The following SPON2 variants were observed in gnomAD, a reference collection of about 807,000 sequenced individuals.
SPON2 encodes the protein spondin 2.
SPON2 carries 32 observed loss-of-function variants against 29.9 expected under a neutral mutation model. That is an observed-to-expected ratio of 1.07 (90% CI 0.81 to 1.44). The LOEUF (loss-of-function observed/expected upper bound fraction) is 1.44. SPON2 is among the 40% of genes most tolerant of loss of function. The pLI, the probability that SPON2 is intolerant of heterozygous loss-of-function variation, is 0.00. For synonymous variants in SPON2, 248 were observed against 209.1 expected (o/e 1.19, Z -1.61); for missense variants, 541 against 455.5 (o/e 1.19, Z -1.71).
rs535537183 is a variant in SPON2 at position 1,201,501 on chromosome 4, A to AT, written c.-234+6378_-234+6379insA. ...TGCCGTTACATGCACGTGACCACAG[A>AT]GAAGGCTGCCTTCACCCCGTCTGCA... is the stretch of plus-strand genomic sequence containing the variant. On this transcript the variant is annotated intron_variant, in intron 1 of 3. Transcript: ENST00000509233. 4.0e-5 allele frequency: 7 copies of AT among 177,208 alleles called. No individual in the cohort carries two copies. In the South Asian group the frequency reaches 7.3e-4, roughly 19 times the overall value. The allele number at this position is 177,208 out of a possible 1,614,324, so 11.0% of individuals were successfully genotyped here. A position where few individuals can be genotyped will look rare whatever the true frequency, so the allele number is the denominator to read the frequency against.
chr4:1,190,282 G>T (rs1409144131), intron 1 of SPON2, among the ~76,000 whole-genome samples: 1 of 133,496 alleles, frequency 7.5e-6, no homozygotes, highest in Admixed American at 7.6e-5. Flanking sequence ...ATTGAAGTAG[G>T]AAAAAAAAAA....
rs764309408 is a variant in SPON2, at chr4:1,171,410, C to T, written c.297G>A (p.Glu99=). 104 of 1,612,232 alleles carry T rather than the reference C, an allele frequency of 6.5e-5. 1 individual carries two copies. The Admixed American group carries it at 1.7e-3, about 26-fold the overall frequency. Residue 99 remains glutamate, a synonymous_variant, in exon 3 of 6, where the codon GAG becomes GAA. Coordinates refer to ENST00000290902, the MANE Select transcript of SPON2 (RefSeq NM_012445.4). ...TCATCAGCGCCCAGGCCTCGCCGCG[C>T]TCCGCAAAGTCGCGCAGCCCGTTAC... ...YVSNGLRDFA[E]RGEAWALMKE...
upstream of SPON2, among the ~76,000 whole-genome samples, chr4:1,175,679 G>C (rs1453560011): frequency 6.6e-6 from 1 of 151,654 alleles, no homozygotes; most frequent in African/African-American, 2.4e-5. Context: ...CTTCAGCTAG[G>C]ATGTGGGTGG....
In SPON2 at chr4:1,202,127, C is replaced by T. The variant is rs1045941728; in HGVS notation, c.-234+5753G>A. On this transcript the variant is annotated intron_variant, in intron 1 of 3. Coordinates refer to the SPON2 transcript ENST00000509233. The surrounding 1 kb of genome is among the most constrained non-coding windows in gnomAD (Gnocchi z 5.4). ...CCCCGCCACGGTTTGAGTGAGGCCACAACAGAACATCAGACAGCAGTTTAT... is the reference window on the plus strand; with the variant it reads ...CCCCGCCACGGTTTGAGTGAGGCCATAACAGAACATCAGACAGCAGTTTAT... Among the ~76,000 whole-genome samples, 1 of 152,228 alleles carries T rather than the reference C, an allele frequency of 6.6e-6. No homozygotes were observed. Among genetic ancestry groups the T allele is most frequent in the African/African-American group, 2.4e-5 (1 of 41,452 alleles).
intron 2 of SPON2, 125 bp from the exon 3 acceptor site, chr4:1,171,611 G>A (rs1483224085): frequency 2.9e-6 from 3 of 1,050,782 alleles, no homozygotes; most frequent in African/African-American, 1.6e-5. Flanking sequence ...CAGTCACGTC[G>A]GACCGTGACA....
intron 1 of SPON2, among the ~76,000 whole-genome samples, chr4:1,185,721 A>AAAAAAAAAAG (rs78997740): frequency 6.6e-6 from 1 of 151,238 alleles, no homozygotes. Context: ...AAAAAAAAAG[A>AAAAAAAAAAG]ATGAAGTTGG....
At chr4:1,191,245 G>A (rs1467539521) in intron 1 of SPON2, among the ~76,000 whole-genome samples, 1 of 152,022 alleles carries the variant, frequency 6.6e-6, no homozygotes, top group Non-Finnish European at 1.5e-5. Flanking sequence ...AGACAGTATG[G>A]TACTGGCTTA....
chr4:1,171,749 C>T (rs951792251), intron 2 of SPON2, 103 bp downstream of exon 2: 12 of 890,080 alleles, frequency 1.3e-5, no homozygotes, highest in Non-Finnish European at 2.2e-5. Context: ...CTCCCGACGT[C>T]AGCACGCCCC....
chr4:1,185,300 T>A (rs1263641331), intron 1 of SPON2, among the ~76,000 whole-genome samples: 1 of 151,574 alleles, frequency 6.6e-6, no homozygotes, highest in Non-Finnish European at 1.5e-5. Flanking sequence ...GGTCTTGAAC[T>A]CCTTACCTCA....
chr4:1,167,876 G>C (rs556636285), intron 5 of SPON2: 350 of 469,590 alleles, frequency 7.5e-4, no homozygotes, highest in Middle Eastern at 1.6e-3. Context: ...GCGTTTCTAC[G>C]TAAGAGCCGG....
upstream of SPON2, among the ~76,000 whole-genome samples, chr4:1,175,568 G>T (rs1032929022): frequency 1.3e-5 from 2 of 151,570 alleles, no homozygotes; most frequent in Admixed American, 6.6e-5. Flanking sequence ...CAGGCTGTGT[G>T]GGGGGAGTCT....
chr4:1,204,043 T>C lies in SPON2; in HGVS notation c.-234+3837A>G, dbSNP rs531767746. Among the ~76,000 whole-genome samples the C allele has an allele frequency of 7.2e-5, 11 of 152,126 alleles. No homozygotes were observed. In the South Asian group the frequency reaches 2.3e-3, roughly 32 times the overall value. ...GCACCACCACGTGGTGGCTAATTGT[T>C]GTATTTTTAGTAGAGATGTGGTTTC... On this transcript the variant is annotated intron_variant, in intron 1 of 3. Transcript: ENST00000509233.
At chr4:1,195,218 G>C (rs566074170), upstream of SPON2, 3 of 152,516 alleles carry the variant, frequency 2.0e-5, no homozygotes, top group East Asian at 5.8e-4. Flanking sequence ...GATGGCCCGA[G>C]GCTGGTGCCC....
At chr4:1,200,298 T>C (rs1040218554) in intron 1 of SPON2, among the ~76,000 whole-genome samples, 3 of 152,120 alleles carry the variant, frequency 2.0e-5, no homozygotes, top group Non-Finnish European at 4.4e-5. Flanking sequence ...CCACGGACAG[T>C]TGAGAAGGCG....
chr4:1,189,946 T>A (rs892014461), intron 1 of SPON2, among the ~76,000 whole-genome samples: 9 of 144,410 alleles, frequency 6.2e-5, no homozygotes, highest in African/African-American at 2.1e-4. Context: ...GCTGAGATCA[T>A]GCCACTGCAC....
At chr4:1,182,287 A>G (rs1288097751) in intron 1 of SPON2, among the ~76,000 whole-genome samples, 1 of 152,222 alleles carries the variant, frequency 6.6e-6, no homozygotes, top group African/African-American at 2.4e-5. Flanking sequence ...TACTAGACAA[A>G]GACTTTAAAA....
At chr4:1,200,892 G>A (rs1728184475) in intron 1 of SPON2, 1 of 456,544 alleles carries the variant, frequency 2.2e-6, no homozygotes, top group East Asian at 6.9e-5. Flanking sequence ...ACCACTGACT[G>A]AGCACCACGT....
chr4:1,170,335 T>A, intron 5 of SPON2, 67 bp downstream of exon 5: 1 of 1,494,666 alleles, frequency 6.7e-7, no homozygotes, highest in Non-Finnish European at 9.1e-7. Flanking sequence ...TAGGTTCGGG[T>A]TTGGTGGTCG....
chr4:1,183,928 A>C (rs1418842645), intron 1 of SPON2, among the ~76,000 whole-genome samples: 1 of 152,246 alleles, frequency 6.6e-6, no homozygotes, highest in East Asian at 1.9e-4. Flanking sequence ...AATAGAAAAC[A>C]AACAGCAAAA....
Sources: gnomAD v4.1 joint callset for allele counts (sites outside exome capture counted in the v4.1 genomes callset) on GRCh38, gnomAD v4.1.1 for gene constraint, Gnocchi (gnomAD v3.1) non-coding constraint, MANE v1.5 for transcripts, NCBI Gene and HGNC (gene_info 2026-07-23, HGNC 2026-07-21) for gene names.